C5orf24: variants seen among roughly 807,000 people sequenced by gnomAD.
C5orf24 encodes the protein UPF0461 protein C5orf24.
A neutral mutation model predicts 9.8 loss-of-function variants in C5orf24; 4 were observed. The observed-to-expected ratio is 0.41, with a 90% CI of 0.20 to 0.93. C5orf24 has a LOEUF of 0.93. Among genes scored for constraint, C5orf24 ranks in the 40% least tolerant of loss-of-function variants. The probability of loss-of-function intolerance (pLI) is 0.33; values close to 1 mark genes in which losing one functional copy is unlikely to be tolerated. For synonymous variants in C5orf24, 73 were observed against 81.3 expected (o/e 0.90, Z 0.55); for missense variants, 170 against 236.9 (o/e 0.72, Z 1.85).
Position 134,857,317 on chromosome 5 carries a change from G to T in C5orf24, c.*1850G>T. ...TGGGCTTGCTATTAATGCAAACTCT[G>T]ATTGCAAATGGATGTCATGTTTCAT... On this transcript the variant is annotated 3_prime_UTR_variant, in exon 2 of 2. Transcript: ENST00000394976. 1 of 1,536,262 alleles carries T rather than the reference G, an allele frequency of 6.5e-7. No homozygotes were observed. Among genetic ancestry groups the T allele is most frequent in the South Asian group, 1.2e-5 (1 of 81,966 alleles).
intron 1 of C5orf24, among the ~76,000 whole-genome samples, chr5:134,853,621 C>T (rs1028887347): frequency 4.7e-5 from 7 of 150,196 alleles, no homozygotes; most frequent in Non-Finnish European, 8.9e-5. Context: ...AAGTGATCCT[C>T]CCACCTCAGC....
intron 1 of C5orf24, among the ~76,000 whole-genome samples, chr5:134,849,038 C>T (rs1220260701): frequency 2.0e-5 from 3 of 150,952 alleles, no homozygotes; most frequent in Admixed American, 6.6e-5. Flanking sequence ...GGGTGGATCA[C>T]GAGGTCAGGA....
intron 1 of C5orf24, among the ~76,000 whole-genome samples, chr5:134,852,352 A>T (rs1260577143): frequency 6.6e-6 from 1 of 152,208 alleles, no homozygotes; most frequent in Non-Finnish European, 1.5e-5. Context: ...TTTTGCCATA[A>T]ACAAGTAGCT....
At position 134,850,937 on chromosome 5, in the gene C5orf24, T is replaced by TATAC. The variant is rs762710710; in HGVS notation, c.-3-3960_-3-3959insTACA. Among the ~76,000 whole-genome samples, 60 of 147,050 alleles carry TATAC rather than the reference T, an allele frequency of 4.1e-4. 1 individual carries two copies. Among genetic ancestry groups the TATAC allele is most frequent in the African/African-American group, 1.4e-3 (54 of 39,892 alleles). On this transcript the variant is annotated intron_variant, in intron 1 of 1. Transcript: ENST00000394976. ...GAATGTTCATATATATATATATATA[T>TATAC]ACACACACACACACACACTACACAC...
chr5:134,857,209 C>T lies in C5orf24; in HGVS notation c.*1742C>T. ...ATGTTTGTATTTGGGATTTTAAATGCCTTTGAGATTAAAATGTAGAATTGC... is the reference window on the plus strand; with the variant it reads ...ATGTTTGTATTTGGGATTTTAAATGTCTTTGAGATTAAAATGTAGAATTGC... On this transcript the variant is annotated 3_prime_UTR_variant, in exon 2 of 2. Coordinates refer to ENST00000394976, the MANE Select transcript of C5orf24 (RefSeq NM_001135586.1). 1.6e-6 allele frequency: 2 copies of T among 1,283,460 alleles called. No homozygotes were observed. The highest frequency in any genetic ancestry group is 2.0e-6 in the Non-Finnish European group (2 of 1,004,728). 79.5% of individuals were successfully genotyped at this position (1,283,460 alleles called of 1,614,324 possible). A position where few individuals can be genotyped will look rare whatever the true frequency, so the allele number is the denominator to read the frequency against.
Position 134,855,353 on chromosome 5 carries a change from T to C in C5orf24, c.453T>C (p.Leu151=). The change falls in exon 2 of 2, where the codon CTT becomes CTC. Residue 151 remains leucine (L), a synonymous_variant. Transcript: ENST00000394976. ...GTAGCATTAAAGCTCTATCCCGTCT[T>C]GCCGATCTTGGTTATGGCTGTGGCA... ...PPGSIKALSR[L]ADLGYGCGTA... 6.2e-7 allele frequency: 1 copy of C among 1,614,164 alleles called. No individual in the cohort carries two copies. The highest frequency in any genetic ancestry group is 2.2e-5 in the East Asian group (1 of 44,882).
At chr5:134,850,087 T>C (rs1017192661) in intron 1 of C5orf24, among the ~76,000 whole-genome samples, 1 of 152,204 alleles carries the variant, frequency 6.6e-6, no homozygotes, top group African/African-American at 2.4e-5. Flanking sequence ...ATTTACATAA[T>C]ACAAACTAAA....
chr5:134,834,762 C>A, the C5orf24 span, among the ~76,000 whole-genome samples: 1 of 151,698 alleles, frequency 6.6e-6, no homozygotes, highest in Non-Finnish European at 1.5e-5. Flanking sequence ...ATCAAAACTA[C>A]AAGGCCAGGC....
chr5:134,848,439 C>T (rs1263792055), intron 1 of C5orf24, among the ~76,000 whole-genome samples: 1 of 149,810 alleles, frequency 6.7e-6, no homozygotes, highest in Non-Finnish European at 1.5e-5. Context: ...GGCGAATCAC[C>T]TGAACTCGGG....
At position 134,855,122 on chromosome 5, in the gene C5orf24, A is replaced by G. The variant is rs1756275231; in HGVS notation, c.222A>G (p.Ile74Met). The G allele has an allele frequency of 1.9e-6, 3 of 1,614,182 alleles. No individual in the cohort carries two copies. In the East Asian group the frequency reaches 6.7e-5, roughly 36 times the overall value. ...LQTTSGRSIEIKDELKKKKNL... is the reference protein window; with the variant it reads ...LQTTSGRSIEMKDELKKKKNL... Reference sequence around the variant, plus strand: ...CTACAAGTGGCAGAAGCATAGAAATAAAAGATGAACTAAAGAAAAAGAAGA... The same window carrying G: ...CTACAAGTGGCAGAAGCATAGAAATGAAAGATGAACTAAAGAAAAAGAAGA... The change falls in exon 2 of 2, where the codon ATA (isoleucine) becomes ATG (methionine). Residue 74 changes from isoleucine to methionine, a missense_variant. Ile to Met is a conservative substitution (Grantham distance 10). Transcript: ENST00000394976.
At chr5:134,852,446 A>G (rs777832266) in intron 1 of C5orf24, among the ~76,000 whole-genome samples, 15 of 152,194 alleles carry the variant, frequency 9.9e-5, no homozygotes, top group Non-Finnish European at 2.1e-4. Flanking sequence ...AATGTTTCAT[A>G]ATTTAACAGA....
At chr5:134,848,975 A>C (rs1289018879) in intron 1 of C5orf24, among the ~76,000 whole-genome samples, 1 of 141,720 alleles carries the variant, frequency 7.1e-6, no homozygotes, top group Non-Finnish European at 1.5e-5. Context: ...AAAAAAAAAG[A>C]GGCTGGGCGC....
chr5:134,856,377 GGT>G lies in C5orf24; in HGVS notation c.*912_*913del. On this transcript the variant is annotated 3_prime_UTR_variant, in exon 2 of 2. Coordinates refer to ENST00000394976, the MANE Select transcript of C5orf24 (RefSeq NM_001135586.1). ...TTAAAAACATTTATTGGCTGGGTGT[GGT>G]GGCTCACACCCAGCACTTTGGGAGG... The G allele has an allele frequency of 3.1e-6, 3 of 957,732 alleles. No individual in the cohort carries two copies. The highest frequency in any genetic ancestry group is 3.8e-6 in the Non-Finnish European group (3 of 791,640). 59.3% of individuals were successfully genotyped at this position (957,732 alleles called of 1,614,324 possible). A position where few individuals can be genotyped will look rare whatever the true frequency, so the allele number is the denominator to read the frequency against.
chr5:134,845,985 G>GA lies in C5orf24; in HGVS notation c.-231_-230insA, dbSNP rs1421943310. ...CCGCCTCTAACACTACAGGGTGGTA[G>GA]CGGCCTCTTCGTACTGCGTCCGGGG... On this transcript the variant is annotated 5_prime_UTR_variant, in exon 1 of 2. Coordinates refer to ENST00000394976, the MANE Select transcript of C5orf24 (RefSeq NM_001135586.1). 1 of 152,266 alleles carries GA rather than the reference G, an allele frequency of 6.6e-6. No homozygotes were observed. The highest frequency in any genetic ancestry group is 6.5e-5 in the Admixed American group (1 of 15,286). 9.4% of individuals were successfully genotyped at this position (152,266 alleles called of 1,614,324 possible).
the C5orf24 span, among the ~76,000 whole-genome samples, chr5:134,840,239 G>A: frequency 3.3e-5 from 5 of 150,074 alleles, no homozygotes; most frequent in Non-Finnish European, 5.9e-5. Context: ...CCCGGGAGGC[G>A]GAGGTTGCAG....
chr5:134,842,591 AC>A (rs1329732008), upstream of C5orf24, among the ~76,000 whole-genome samples: 1 of 152,084 alleles, frequency 6.6e-6, no homozygotes, highest in African/African-American at 2.4e-5. Context: ...TTGATCAAAT[AC>A]CCACTAGCTA....
chr5:134,838,350 A>G, the C5orf24 span, among the ~76,000 whole-genome samples: 3 of 152,080 alleles, frequency 2.0e-5, no homozygotes, highest in African/African-American at 7.2e-5. Flanking sequence ...AAATGTTGGG[A>G]GATAAGTGGA....
rs1756354321 is a variant in C5orf24, at chr5:134,857,867, T to C, written c.*2400T>C. Reference sequence around the variant, plus strand: ...TGTTTTATAGTAAGTCCATTTGACATTTATTTCCCTTTCAGTTTATTTTCC... The same window carrying C: ...TGTTTTATAGTAAGTCCATTTGACACTTATTTCCCTTTCAGTTTATTTTCC... On this transcript the variant is annotated 3_prime_UTR_variant, in exon 2 of 2. Coordinates refer to ENST00000394976, the MANE Select transcript of C5orf24 (RefSeq NM_001135586.1). The C allele has an allele frequency of 6.0e-6, 1 of 167,480 alleles. No homozygotes were observed. Among genetic ancestry groups the C allele is most frequent in the South Asian group, 2.1e-4 (1 of 4,840 alleles). 10.4% of individuals were successfully genotyped at this position (167,480 alleles called of 1,614,324 possible). A position where few individuals can be genotyped will look rare whatever the true frequency, so the allele number is the denominator to read the frequency against.
chr5:134,840,638 A>G, the C5orf24 span, among the ~76,000 whole-genome samples: 6 of 151,892 alleles, frequency 4.0e-5, no homozygotes, highest in Admixed American at 6.5e-5. Flanking sequence ...GGCTCAAACA[A>G]TCTTCCCACC....
Sources: allele counts gnomAD v4.1 joint callset (sites outside exome capture counted in the v4.1 genomes callset), GRCh38; gene constraint gnomAD v4.1.1; transcripts MANE v1.5; gene names NCBI Gene and HGNC (gene_info 2026-07-23, HGNC 2026-07-21).